MGST2: variants seen among roughly 807,000 people sequenced by gnomAD.
MGST2 encodes the protein microsomal glutathione S-transferase 2, also known as glutathione peroxidase MGST2.
In MGST2, 9 loss-of-function variants were observed where a neutral mutation model predicts 16.6. The observed-to-expected ratio is 0.54, with a 90% CI of 0.33 to 0.95. The LOEUF (loss-of-function observed/expected upper bound fraction) is 0.95, where lower values mean the gene tolerates loss of function less well. MGST2 is among the 40% of genes least tolerant of loss of function. The pLI is 0.03. For missense variants in MGST2, 159 were observed against 175.1 expected, an observed-to-expected ratio of 0.91 and a Z score of 0.52; for synonymous variants, 79 against 68.0, an observed-to-expected ratio of 1.16 and a Z score of -0.79.
chr4:139,712,534 A>G (rs1727781552), intron 5 of MGST2, among the ~76,000 whole-genome samples: 1 of 152,176 alleles, frequency 6.6e-6, no homozygotes, highest in Non-Finnish European at 1.5e-5. Flanking sequence ...CAGGCATTTT[A>G]ATTGGCTTTG....
At chr4:139,744,708 G>A (rs544115941), downstream of MGST2, among the ~76,000 whole-genome samples, 39 of 152,280 alleles carry the variant, frequency 2.6e-4, no homozygotes, top group South Asian at 7.7e-3. Context: ...GTGCAGCCAC[G>A]GCCCCTGTCC....
At chr4:139,730,158 C>G in intron 5 of MGST2, 1 of 550,574 alleles carries the variant, frequency 1.8e-6, no homozygotes. Context: ...AGACTTGAAT[C>G]AAAGAAATGT....
chr4:139,720,958 C>T (rs999163248), intron 5 of MGST2, among the ~76,000 whole-genome samples: 8 of 152,198 alleles, frequency 5.3e-5, no homozygotes, highest in Non-Finnish European at 5.9e-5. Flanking sequence ...GCTATTTTGA[C>T]AGATAGGACA....
At chr4:139,684,823 C>T (rs1731470032) in intron 2 of MGST2, among the ~76,000 whole-genome samples, 1 of 152,178 alleles carries the variant, frequency 6.6e-6, no homozygotes, top group South Asian at 2.1e-4. Flanking sequence ...AATTTTACCC[C>T]CACCCTCTAT....
intron 1 of MGST2, among the ~76,000 whole-genome samples, chr4:139,669,364 A>C (rs1730544130): frequency 6.6e-6 from 1 of 152,210 alleles, no homozygotes. Context: ...TCGGGACACC[A>C]TGTGCCATGG....
At chr4:139,726,963 C>T (rs1335426985) in intron 5 of MGST2, among the ~76,000 whole-genome samples, 2 of 152,136 alleles carry the variant, frequency 1.3e-5, no homozygotes, top group African/African-American at 4.8e-5. Context: ...TTAACCTGCT[C>T]CCTGCAGCTG....
At chr4:139,721,482 G>C (rs1235212962) in intron 5 of MGST2, among the ~76,000 whole-genome samples, 1 of 152,142 alleles carries the variant, frequency 6.6e-6, no homozygotes, top group Non-Finnish European at 1.5e-5. Context: ...ATCCCACCTG[G>C]AACTGTGATG....
At chr4:139,720,888 A>G (rs1012898377) in intron 5 of MGST2, among the ~76,000 whole-genome samples, 7 of 152,118 alleles carry the variant, frequency 4.6e-5, no homozygotes, top group African/African-American at 1.7e-4. Context: ...CCATTAGACT[A>G]ATTTCCCTTA....
At chr4:139,674,150 AG>A (rs1340472421) in intron 1 of MGST2, among the ~76,000 whole-genome samples, 1 of 152,210 alleles carries the variant, frequency 6.6e-6, no homozygotes, top group Admixed American at 6.5e-5. Context: ...ACACAGCCTC[AG>A]GGGCTCCTGA....
At chr4:139,688,901 G>A (rs1368909207) in intron 2 of MGST2, among the ~76,000 whole-genome samples, 1 of 152,124 alleles carries the variant, frequency 6.6e-6, no homozygotes, top group Non-Finnish European at 1.5e-5. Flanking sequence ...GAGGTCAGGA[G>A]TTCAGGACCA....
chr4:139,730,677 C>G (rs1270272674), intron 5 of MGST2: 3 of 1,608,506 alleles, frequency 1.9e-6, no homozygotes, highest in South Asian at 2.2e-5. Flanking sequence ...CCTGGGAAGA[C>G]AAGAGAGAGG....
intron 2 of MGST2, 113 bp from the exon 3 acceptor site, chr4:139,695,084 T>C: frequency 2.7e-6 from 2 of 742,486 alleles, no homozygotes; most frequent in Non-Finnish European, 4.7e-6. Context: ...AACTCTTTTG[T>C]AAGTTCTTAT....
chr4:139,731,435 TAAAAAAAAAAAAAAA>T (rs70943437), intron 5 of MGST2: 6 of 38,718 alleles, frequency 1.5e-4, no homozygotes, highest in Admixed American at 1.0e-3. Flanking sequence ...CTGTCTCTAC[TAAAAAAAAAAAAAAA>T]AAAAAAAAAA....
At chr4:139,714,248 C>T (rs1727852531) in intron 5 of MGST2, among the ~76,000 whole-genome samples, 1 of 152,214 alleles carries the variant, frequency 6.6e-6, no homozygotes, top group Admixed American at 6.5e-5. Flanking sequence ...GAATTCATGG[C>T]ACAAAATACA....
the MGST2 span, among the ~76,000 whole-genome samples, chr4:139,752,037 A>G: frequency 2.2e-4 from 34 of 152,322 alleles, no homozygotes; most frequent in South Asian, 6.2e-4. Flanking sequence ...ACTCTGGAAT[A>G]GCCTTATCTT....
At chr4:139,690,564 A>G (rs1176366073) in intron 2 of MGST2, among the ~76,000 whole-genome samples, 1 of 152,182 alleles carries the variant, frequency 6.6e-6, no homozygotes, top group East Asian at 1.9e-4. Context: ...GTGGAAGTTC[A>G]TGTCTTGCTC....
chr4:139,722,081 G>T (rs1194491859), intron 5 of MGST2, among the ~76,000 whole-genome samples: 1 of 152,104 alleles, frequency 6.6e-6, no homozygotes, highest in African/African-American at 2.4e-5. Context: ...GCCATTTTGG[G>T]GTATATTTAT....
downstream of MGST2, among the ~76,000 whole-genome samples, chr4:139,707,514 G>A (rs574722733): frequency 2.6e-5 from 4 of 152,270 alleles, no homozygotes; most frequent in African/African-American, 7.2e-5. Context: ...ATAAACATAC[G>A]TGTGCATGTG....
chr4:139,728,478 G>C (rs996979722), intron 5 of MGST2, among the ~76,000 whole-genome samples: 8 of 152,208 alleles, frequency 5.3e-5, no homozygotes, highest in African/African-American at 1.9e-4. Context: ...TACATGAGGT[G>C]GGCTGGGAAA....
Sources: allele counts gnomAD v4.1 joint callset (sites outside exome capture counted in the v4.1 genomes callset), GRCh38; gene constraint gnomAD v4.1.1; transcripts MANE v1.5; gene names NCBI Gene and HGNC (gene_info 2026-07-23, HGNC 2026-07-21).